DEUP1: variants seen among roughly 807,000 people sequenced by gnomAD.
DEUP1 encodes deuterosome assembly protein 1.
DEUP1 carries 82 observed loss-of-function variants against 87.4 expected under a neutral mutation model. That is an observed-to-expected ratio of 0.94 (90% CI 0.78 to 1.13). The LOEUF (loss-of-function observed/expected upper bound fraction) is 1.13, where lower values mean the gene tolerates loss of function less well. DEUP1 is among the 50% of genes most tolerant of loss of function. DEUP1 has a pLI of 0.00. For missense variants in DEUP1, 663 were observed against 681.5 expected, an observed-to-expected ratio of 0.97 and a Z score of 0.30; for synonymous variants, 214 against 222.7, an observed-to-expected ratio of 0.96 and a Z score of 0.35.
At chr11:93,354,580 T>C (rs1944789185) in intron 2 of DEUP1, among the ~76,000 whole-genome samples, 1 of 152,164 alleles carries the variant, frequency 6.6e-6, no homozygotes, top group Admixed American at 6.5e-5. Context: ...TAATTGGACT[T>C]ACAGTTCCAC....
chr11:93,382,584 G>C (rs900917156), intron 7 of DEUP1, among the ~76,000 whole-genome samples: 3 of 152,028 alleles, frequency 2.0e-5, no homozygotes, highest in Admixed American at 6.6e-5. Context: ...CTAGCCTGTG[G>C]CAACACTATA....
chr11:93,356,660 A>G (rs1307044604), intron 3 of DEUP1, among the ~76,000 whole-genome samples: 1 of 152,198 alleles, frequency 6.6e-6, no homozygotes, highest in African/African-American at 2.4e-5. Context: ...TAGCCTCCCA[A>G]AAGGATAATG....
At position 93,381,798 on chromosome 11, in the gene DEUP1, A is replaced by G. The variant is rs1003995810; in HGVS notation, c.790-3600A>G. 2.6e-5 allele frequency among the ~76,000 whole-genome samples: 4 copies of G among 152,302 alleles called. No individual in the cohort carries two copies. The South Asian group carries it at 8.3e-4, about 32-fold the overall frequency. ...ACTAGCCGAATTAAAAGAAGTCAAG[A>G]AAAATGAGTGAAACTAACATATCAT... On this transcript the variant is annotated intron_variant, in intron 7 of 13. Coordinates refer to ENST00000298050, the MANE Select transcript of DEUP1 (RefSeq NM_181645.4).
intron 11 of DEUP1, among the ~76,000 whole-genome samples, chr11:93,407,248 G>T (rs1397254789): frequency 6.6e-6 from 1 of 151,930 alleles, no homozygotes; most frequent in African/African-American, 2.4e-5. Flanking sequence ...ATGGTTAAAT[G>T]AATTTATTAT....
At position 93,437,795 on chromosome 11, in the gene DEUP1, C is replaced by A; in HGVS notation, c.*76C>A. Reference sequence around the variant, plus strand: ...AAGCTCTGGCAAAATATTTACAAAGCTGATTAATGAAACCAAGAAATTCTG... The same window carrying A: ...AAGCTCTGGCAAAATATTTACAAAGATGATTAATGAAACCAAGAAATTCTG... On this transcript the variant is annotated 3_prime_UTR_variant, in exon 14 of 14. Transcript: ENST00000298050. The A allele has an allele frequency of 1.3e-6, 1 of 774,602 alleles. No individual in the cohort carries two copies. The highest frequency in any genetic ancestry group is 2.1e-6 in the Non-Finnish European group (1 of 472,106). The allele number at this position is 774,602 out of a possible 1,614,324, so 48.0% of individuals were successfully genotyped here. A position where few individuals can be genotyped will look rare whatever the true frequency, so the allele number is the denominator to read the frequency against.
intron 5 of DEUP1, among the ~76,000 whole-genome samples, chr11:93,369,110 T>C (rs985538601): frequency 6.6e-6 from 1 of 152,066 alleles, no homozygotes; most frequent in Admixed American, 6.6e-5. Context: ...GGTTCACAGA[T>C]AGCTGTCTGC....
At chr11:93,396,973 A>G (rs1219371410) in intron 11 of DEUP1, among the ~76,000 whole-genome samples, 1 of 142,642 alleles carries the variant, frequency 7.0e-6, no homozygotes, top group Non-Finnish European at 1.6e-5. Context: ...TAATGTAACA[A>G]TAGAAAATTG....
Position 93,408,243 on chromosome 11 carries a change from A to T in DEUP1, c.1339A>T (p.Thr447Ser). 5.1e-6 allele frequency: 8 copies of T among 1,572,180 alleles called. No individual in the cohort carries two copies. Among genetic ancestry groups the T allele is most frequent in the Non-Finnish European group, 6.9e-6 (8 of 1,158,276 alleles). The change falls in exon 12 of 14, where the codon ACT (threonine) becomes TCT (serine). Residue 447 changes from threonine (T) to serine (S), a missense_variant. By Grantham distance (58) the Thr-to-Ser change is moderately conservative (BLOSUM62 1). Coordinates refer to ENST00000298050, the MANE Select transcript of DEUP1 (RefSeq NM_181645.4). Reference protein sequence around the residue: ...DPGEYMSMDFTNREQSRHTSI... With the variant: ...DPGEYMSMDFSNREQSRHTSI... ...TTTTATTCTCTAGAGTATGGACTTC[A>T]CTAACAGGGAACAGTCAAGGCATAC...
chr11:93,334,835 T>G (rs1173575972), intron 2 of DEUP1, among the ~76,000 whole-genome samples: 2 of 126,322 alleles, frequency 1.6e-5, no homozygotes, highest in Admixed American at 8.7e-5. Context: ...TTTTAAAGTG[T>G]GTTTCCAGAA....
chr11:93,415,255 A>T (rs1947576562), intron 13 of DEUP1, 141 bp downstream of exon 13: 1 of 490,682 alleles, frequency 2.0e-6, no homozygotes, highest in African/African-American at 2.0e-5. Context: ...TGGGTCTGCG[A>T]GCCATTTGGC....
intron 7 of DEUP1, chr11:93,383,671 A>G (rs1946405972): frequency 1.7e-5 from 11 of 634,466 alleles, no homozygotes; most frequent in Admixed American, 9.2e-5. Flanking sequence ...TTATATTTCA[A>G]TGAATATTCA....
At chr11:93,403,655 T>C (rs1431634675) in intron 11 of DEUP1, among the ~76,000 whole-genome samples, 2 of 151,848 alleles carry the variant, frequency 1.3e-5, no homozygotes, top group Non-Finnish European at 2.9e-5. Flanking sequence ...ATTCTTTTCA[T>C]ACATTTTTCT....
At chr11:93,367,108 GTT>G (rs1354047938) in intron 5 of DEUP1, among the ~76,000 whole-genome samples, 1 of 152,016 alleles carries the variant, frequency 6.6e-6, no homozygotes, top group Non-Finnish European at 1.5e-5. Context: ...AATATAGTCT[GTT>G]TATCATGAGC....
At chr11:93,390,754 G>A (rs147352050) in intron 9 of DEUP1, among the ~76,000 whole-genome samples, 13 of 151,984 alleles carry the variant, frequency 8.6e-5, no homozygotes, top group African/African-American at 2.7e-4. Flanking sequence ...CCAGAATGCT[G>A]TGCAAAAAAA....
At chr11:93,374,452 TG>T in intron 7 of DEUP1, among the ~76,000 whole-genome samples, 1 of 152,210 alleles carries the variant, frequency 6.6e-6, no homozygotes, top group Non-Finnish European at 1.5e-5. Context: ...AGTTGATTTT[TG>T]TATAAAGTGA....
At chr11:93,416,948 A>C (rs1052384262) in intron 13 of DEUP1, among the ~76,000 whole-genome samples, 1 of 152,218 alleles carries the variant, frequency 6.6e-6, no homozygotes, top group African/African-American at 2.4e-5. Flanking sequence ...ATCTCAATAG[A>C]TTCAGAAAAA....
chr11:93,397,462 C>T (rs747568791), intron 11 of DEUP1, among the ~76,000 whole-genome samples: 4 of 152,066 alleles, frequency 2.6e-5, no homozygotes, highest in East Asian at 1.9e-4. Flanking sequence ...ATCCTGCCTC[C>T]GTGAGTGCTT....
chr11:93,382,439 T>G (rs1313650905), intron 7 of DEUP1, among the ~76,000 whole-genome samples: 1 of 152,242 alleles, frequency 6.6e-6, no homozygotes, highest in Admixed American at 6.5e-5. Context: ...TGCTTGTACC[T>G]GTGTAGTTAG....
At chr11:93,347,922 A>T (rs1454955673) in intron 2 of DEUP1, among the ~76,000 whole-genome samples, 1 of 151,838 alleles carries the variant, frequency 6.6e-6, no homozygotes, top group East Asian at 1.9e-4. Flanking sequence ...TTGTATTTTT[A>T]GTAGAGACAG....
Sources: allele counts gnomAD v4.1 joint callset (sites outside exome capture counted in the v4.1 genomes callset), GRCh38; gene constraint gnomAD v4.1.1; transcripts MANE v1.5; gene names NCBI Gene and HGNC (gene_info 2026-07-23, HGNC 2026-07-21).